Variants in ATP9A observed in about 807,000 individuals in gnomAD.
The protein encoded by ATP9A is probable phospholipid-transporting ATPase IIA.
In ATP9A, 52 loss-of-function variants were observed where a neutral mutation model predicts 144.1. That is an observed-to-expected ratio of 0.36 (90% CI 0.29 to 0.45). ATP9A has a LOEUF of 0.45. Ranked by LOEUF, ATP9A falls within the 20% of genes least tolerant of loss-of-function variation. The probability of loss-of-function intolerance (pLI) is 1.00; values close to 1 mark genes in which losing one functional copy is unlikely to be tolerated. For synonymous variants in ATP9A, 582 were observed against 557.4 expected (o/e 1.04, Z -0.62); for missense variants, 947 against 1,392.7 (o/e 0.68, Z 5.09).
At chr20:51,678,975 C>T (rs1256864064) in intron 9 of ATP9A, among the ~76,000 whole-genome samples, 3 of 152,052 alleles carry the variant, frequency 2.0e-5, no homozygotes, top group Non-Finnish European at 2.9e-5. Context: ...CTGCACGGTG[C>T]CTTCAAGGTT....
At chr20:51,690,702 C>A in intron 8 of ATP9A, 37 bp downstream of exon 8, 1 of 1,539,312 alleles carries the variant, frequency 6.5e-7, no homozygotes, top group South Asian at 1.1e-5. Flanking sequence ...TTACACACTC[C>A]CGGTGACAGG....
intron 1 of ATP9A, among the ~76,000 whole-genome samples, chr20:51,744,454 G>C (rs763950383): frequency 1.3e-5 from 2 of 152,072 alleles, no homozygotes; most frequent in African/African-American, 2.4e-5. Context: ...GAGCCACCGC[G>C]CCCAGCCTAG....
chr20:51,715,800 T>A (rs2077659457), intron 3 of ATP9A, among the ~76,000 whole-genome samples: 1 of 152,072 alleles, frequency 6.6e-6, no homozygotes, highest in Non-Finnish European at 1.5e-5. Context: ...GTCCTTAATA[T>A]CCATTCACAG....
intron 9 of ATP9A, among the ~76,000 whole-genome samples, chr20:51,687,199 C>T (rs944565681): frequency 2.0e-5 from 3 of 148,862 alleles, no homozygotes; most frequent in South Asian, 4.2e-4. Flanking sequence ...GGTGGCTGTG[C>T]CCAGGCGTGG....
chr20:51,742,393 A>T (rs1465592433), intron 1 of ATP9A, among the ~76,000 whole-genome samples: 13 of 152,034 alleles, frequency 8.6e-5, no homozygotes, highest in Non-Finnish European at 1.9e-4. Context: ...TGCCATAAAC[A>T]GAAGATAAAT....
intron 14 of ATP9A, among the ~76,000 whole-genome samples, chr20:51,642,146 TTG>T (rs1019642041): frequency 4.6e-5 from 7 of 152,008 alleles, no homozygotes; most frequent in African/African-American, 1.7e-4. Flanking sequence ...CTGTTTTTTT[TTG>T]TTTGTTTTGT....
chr20:51,690,943 C>G, intron 7 of ATP9A, 124 bp from the exon 8 acceptor site: 1 of 775,906 alleles, frequency 1.3e-6, no homozygotes, highest in Non-Finnish European at 2.2e-6. Flanking sequence ...CTCAAAATTA[C>G]AGGGGAGGTG....
chr20:51,645,527 A>C (rs1269047945), intron 14 of ATP9A, among the ~76,000 whole-genome samples: 1 of 120,590 alleles, frequency 8.3e-6, no homozygotes, highest in Non-Finnish European at 1.9e-5. Flanking sequence ...ACAAACAAAC[A>C]AAAACAAACA....
chr20:51,738,310 C>A (rs1021423803), intron 1 of ATP9A, among the ~76,000 whole-genome samples: 1 of 152,110 alleles, frequency 6.6e-6, no homozygotes, highest in African/African-American at 2.4e-5. Flanking sequence ...GGATTACAGG[C>A]GCAAGCCATG....
intron 15 of ATP9A, among the ~76,000 whole-genome samples, chr20:51,635,650 T>C (rs1332523497): frequency 2.0e-5 from 3 of 150,958 alleles, no homozygotes; most frequent in South Asian, 2.1e-4. Flanking sequence ...GGCAGGAAGG[T>C]TGCTTGAGCC....
chr20:51,663,245 CAG>C (rs570580622), intron 13 of ATP9A, among the ~76,000 whole-genome samples: 2 of 151,956 alleles, frequency 1.3e-5, no homozygotes, highest in East Asian at 1.9e-4. Context: ...AAAACAGAGA[CAG>C]AGAGAAATAA....
Position 51,690,037 on chromosome 20 carries a change from G to A in ATP9A, c.723+702C>T, listed in dbSNP as rs530654017. Among the ~76,000 whole-genome samples, 9 of 145,350 alleles carry A rather than the reference G, an allele frequency of 6.2e-5. No individual in the cohort carries two copies. In the East Asian group the frequency reaches 8.8e-4, roughly 14 times the overall value. On this transcript the variant is annotated intron_variant, in intron 8 of 27. Coordinates refer to ENST00000338821, the MANE Select transcript of ATP9A (RefSeq NM_006045.3). ...TAAGACAGGAGAATCACTTGAACCC[G>A]GGAGGCAGAGGTTCCAATGAGCCGA...
At chr20:51,656,780 C>T (rs1188808035) in intron 14 of ATP9A, among the ~76,000 whole-genome samples, 158 bp downstream of exon 14, 1 of 152,132 alleles carries the variant, frequency 6.6e-6, no homozygotes, top group Non-Finnish European at 1.5e-5. Flanking sequence ...AGAGGAAAGG[C>T]GTTTCTTTCT....
intron 14 of ATP9A, among the ~76,000 whole-genome samples, chr20:51,641,297 T>A (rs1422802535): frequency 6.6e-6 from 1 of 151,618 alleles, no homozygotes; most frequent in Non-Finnish European, 1.5e-5. Context: ...AGGTAGAAGT[T>A]GCAGTGAGTA....
At chr20:51,745,045 G>A (rs2077801787) in intron 1 of ATP9A, among the ~76,000 whole-genome samples, 1 of 152,120 alleles carries the variant, frequency 6.6e-6, no homozygotes, top group Non-Finnish European at 1.5e-5. Flanking sequence ...GGAGGCCAAG[G>A]CGGGTGGATC....
intron 22 of ATP9A, among the ~76,000 whole-genome samples, chr20:51,616,426 C>T (rs948836510): frequency 5.9e-5 from 9 of 152,206 alleles, no homozygotes; most frequent in Non-Finnish European, 8.8e-5. Flanking sequence ...TCAAGTGATT[C>T]TCCTGCCTCA....
intron 15 of ATP9A, among the ~76,000 whole-genome samples, chr20:51,636,636 T>C (rs2077293362): frequency 6.6e-6 from 1 of 152,228 alleles, no homozygotes; most frequent in Admixed American, 6.5e-5. Context: ...CTGTGTGAAC[T>C]TGGACAGGTT....
At chr20:51,637,681 C>G (rs1350160540) in intron 15 of ATP9A, among the ~76,000 whole-genome samples, 1 of 149,658 alleles carries the variant, frequency 6.7e-6, no homozygotes, top group Non-Finnish European at 1.5e-5. Context: ...TCAATTTCTA[C>G]TTCTACTTGT....
rs2077128151 is a variant in ATP9A, at chr20:51,598,370, A to G, written c.*2841T>C. 6.6e-6 allele frequency: 1 copy of G among 152,110 alleles called. No individual in the cohort carries two copies. Among genetic ancestry groups the G allele is most frequent in the Non-Finnish European group, 1.5e-5 (1 of 68,006 alleles). The allele number at this position is 152,110 out of a possible 1,614,324, so 9.4% of individuals were successfully genotyped here. A position where few individuals can be genotyped will look rare whatever the true frequency, so the allele number is the denominator to read the frequency against. On this transcript the variant is annotated 3_prime_UTR_variant, in exon 28 of 28. Coordinates refer to ENST00000338821, the MANE Select transcript of ATP9A (RefSeq NM_006045.3). ...GGAGCTGTGAGTTTTGCTTTCAGGA[A>G]AAGTGTTCAAACAGTGCTGACTGTG...
Sources: allele counts gnomAD v4.1 joint callset (sites outside exome capture counted in the v4.1 genomes callset), GRCh38; gene constraint gnomAD v4.1.1; transcripts MANE v1.5; gene names NCBI Gene and HGNC (gene_info 2026-07-23, HGNC 2026-07-21).